PATJ: variants seen among roughly 807,000 people sequenced by gnomAD.
PATJ encodes the protein PATJ crumbs cell polarity complex component, also known as inaD-like protein.
Under a neutral mutation model 224.9 loss-of-function variants are expected in PATJ, and 190 were observed. That is an observed-to-expected ratio of 0.84 (90% CI 0.75 to 0.95). The LOEUF (loss-of-function observed/expected upper bound fraction) is 0.95. Ranked by LOEUF, PATJ falls within the 40% of genes least tolerant of loss-of-function variation. The pLI is 0.00. For missense variants in PATJ, 2,121 were observed against 2,270.3 expected (o/e 0.93, Z 1.34); for synonymous variants, 769 against 820.3 (o/e 0.94, Z 1.07).
At chr1:62,061,556 G>A (rs1457480428) in intron 31 of PATJ, among the ~76,000 whole-genome samples, 1 of 152,080 alleles carries the variant, frequency 6.6e-6, no homozygotes, top group East Asian at 1.9e-4. Context: ...GCAGTATTTA[G>A]TTTTCTGTTC....
chr1:62,038,154 G>A (rs1041463646), intron 30 of PATJ, 105 bp downstream of exon 30: 6 of 689,348 alleles, frequency 8.7e-6, no homozygotes, highest in East Asian at 2.9e-5. Flanking sequence ...TTCCAAACTC[G>A]TGGAAAATTT....
chr1:61,848,821 T>C (rs1662370603), intron 17 of PATJ, among the ~76,000 whole-genome samples: 1 of 152,230 alleles, frequency 6.6e-6, no homozygotes. Context: ...TTTAACTTAA[T>C]ACTCCTTAGT....
chr1:61,928,223 C>T (rs917522972), intron 27 of PATJ, among the ~76,000 whole-genome samples: 7 of 152,134 alleles, frequency 4.6e-5, no homozygotes, highest in African/African-American at 1.4e-4. Flanking sequence ...ACAGAAGGCC[C>T]ACCAACTTGT....
At chr1:62,023,171 T>G (rs1018115923) in intron 29 of PATJ, among the ~76,000 whole-genome samples, 3 of 151,872 alleles carry the variant, frequency 2.0e-5, no homozygotes, top group Non-Finnish European at 4.4e-5. Context: ...GTGCCTGTAA[T>G]CCCAGGTACT....
chr1:62,030,256 A>C (rs1345773847), intron 29 of PATJ, among the ~76,000 whole-genome samples: 1 of 152,252 alleles, frequency 6.6e-6, no homozygotes, highest in Non-Finnish European at 1.5e-5. Context: ...GAGATTTAAC[A>C]TCACAAAGCC....
chr1:62,111,663 C>CTT lies in PATJ; in HGVS notation c.4462-2376_4462-2375dup, dbSNP rs35549430. On this transcript the variant is annotated intron_variant, in intron 34 of 43. Coordinates refer to ENST00000642238, the MANE Select transcript of PATJ (RefSeq NM_001350145.3). ...TGCATCTATATCCAAAACCCATGTTCTTTTTTTTTTTTTTTGAGACAGAGT... is the reference window on the plus strand; with the variant it reads ...TGCATCTATATCCAAAACCCATGTTCTTTTTTTTTTTTTTTTTGAGACAGAGT... 2.6e-3 allele frequency among the ~76,000 whole-genome samples: 365 copies of CTT among 142,290 alleles called. 2 individuals are homozygous for CTT. The highest frequency in any genetic ancestry group is 3.7e-3 in the Middle Eastern group (1 of 270). 93.3% of individuals were successfully genotyped at this position (142,290 alleles called of 152,430 possible).
intron 27 of PATJ, among the ~76,000 whole-genome samples, chr1:61,935,953 C>G (rs773229122): frequency 6.6e-6 from 1 of 152,032 alleles, no homozygotes; most frequent in Non-Finnish European, 1.5e-5. Flanking sequence ...ATTATCAATT[C>G]TGTTACTCAG....
intron 3 of PATJ, among the ~76,000 whole-genome samples, chr1:61,765,718 C>CACCT (rs56105646): frequency 0.27 from 40,589 of 151,814 alleles, 5,663 homozygotes; most frequent in East Asian, 0.42. Context: ...CTCCGTGACT[C>CACCT]ACTGCTAATC....
At chr1:61,824,550 C>T (rs922603246) in intron 15 of PATJ, among the ~76,000 whole-genome samples, 13 of 151,792 alleles carry the variant, frequency 8.6e-5, no homozygotes, top group African/African-American at 2.2e-4. Context: ...CTCAACCTCC[C>T]GAGTAGCTAG....
chr1:61,763,129 T>C lies in PATJ; in HGVS notation c.139T>C (p.Phe47Leu), dbSNP rs1188131042. Residue 47 changes from phenylalanine (F) to leucine (L), a missense_variant, in exon 3 of 44, where the codon TTC becomes CTC. By Grantham distance (22) the Phe-to-Leu change is conservative. Coordinates refer to ENST00000642238, the MANE Select transcript of PATJ (RefSeq NM_001350145.3). ...TTATGAGACACTAAAGAGTCCTCTCTTCAACCAGATACTCACACTTCAGCA... is the reference window on the plus strand; with the variant it reads ...TTATGAGACACTAAAGAGTCCTCTCCTCAACCAGATACTCACACTTCAGCA... ...MFYETLKSPLFNQILTLQQSI... is the reference protein window; with the variant it reads ...MFYETLKSPLLNQILTLQQSI... The C allele has an allele frequency of 6.2e-7, 1 of 1,608,040 alleles. No homozygotes were observed. Among genetic ancestry groups the C allele is most frequent in the Admixed American group, 1.7e-5 (1 of 59,692 alleles).
intron 27 of PATJ, among the ~76,000 whole-genome samples, chr1:61,987,221 G>A (rs1477897117): frequency 6.6e-6 from 1 of 151,974 alleles, no homozygotes; most frequent in Non-Finnish European, 1.5e-5. Flanking sequence ...AACACAGCCT[G>A]TGTAATATTG....
At chr1:62,037,808 T>G (rs1375883384) in intron 29 of PATJ, among the ~76,000 whole-genome samples, 169 bp from the exon 30 acceptor site, 4 of 152,130 alleles carry the variant, frequency 2.6e-5, no homozygotes, top group Non-Finnish European at 1.5e-5. Flanking sequence ...CATAGTAACT[T>G]TGCATGCTTG....
chr1:62,023,013 G>C (rs564211409), intron 29 of PATJ, among the ~76,000 whole-genome samples: 29 of 152,238 alleles, frequency 1.9e-4, no homozygotes, highest in African/African-American at 7.0e-4. Context: ...TTCTTGGCTG[G>C]GCATGGTGGC....
chr1:62,135,867 T>C (rs1666804071), intron 41 of PATJ, among the ~76,000 whole-genome samples: 1 of 152,194 alleles, frequency 6.6e-6, no homozygotes, highest in African/African-American at 2.4e-5. Context: ...AGTTAGAGGA[T>C]ACTAAAATTC....
intron 29 of PATJ, among the ~76,000 whole-genome samples, chr1:62,019,690 G>A (rs1419054133): frequency 6.6e-6 from 1 of 151,764 alleles, no homozygotes; most frequent in African/African-American, 2.4e-5. Flanking sequence ...TCCTCTGTTA[G>A]ACACCAGTCT....
rs553596659 is a variant in PATJ, at chr1:61,836,548, C to G, written c.2112+2763C>G. 2.6e-5 allele frequency among the ~76,000 whole-genome samples: 4 copies of G among 152,286 alleles called. No individual in the cohort carries two copies. In the East Asian group the frequency reaches 7.7e-4, roughly 29 times the overall value. The stretch of plus-strand genomic sequence containing the variant: ...ACTTGGATGCTTTTCTTAAGTCAGT[C>G]TTAAGTGTACTTACAGATGTGTACA... On this transcript the variant is annotated intron_variant, in intron 17 of 43. Coordinates refer to ENST00000642238, the MANE Select transcript of PATJ (RefSeq NM_001350145.3).
At chr1:61,926,837 A>T (rs181823375) in intron 26 of PATJ, among the ~76,000 whole-genome samples, 6 of 152,350 alleles carry the variant, frequency 3.9e-5, no homozygotes, top group Admixed American at 2.0e-4. Context: ...TTGGCCACTT[A>T]CTGAAGTGTA....
intron 41 of PATJ, among the ~76,000 whole-genome samples, chr1:62,129,811 G>A (rs1666083399): frequency 6.6e-6 from 1 of 151,544 alleles, no homozygotes; most frequent in Admixed American, 6.6e-5. Context: ...CATGGTGGTG[G>A]GTGCCTGTAA....
chr1:61,830,467 A>ACATTTTT (rs10664173), intron 16 of PATJ, among the ~76,000 whole-genome samples: 102,074 of 151,186 alleles, frequency 0.68, 35,797 homozygotes, highest in East Asian at 0.82. Flanking sequence ...TATTTCTGTG[A>ACATTTTT]CATTTTTCAC....
Sources: allele counts gnomAD v4.1 joint callset (sites outside exome capture counted in the v4.1 genomes callset), GRCh38; gene constraint gnomAD v4.1.1; transcripts MANE v1.5; gene names NCBI Gene and HGNC (gene_info 2026-07-23, HGNC 2026-07-21).